The following TENM2 variants were observed in gnomAD, a reference collection of about 807,000 sequenced individuals.
TENM2 encodes teneurin transmembrane protein 2.
TENM2 carries 52 observed loss-of-function variants against 245.2 expected under a neutral mutation model. The ratio of observed to expected loss-of-function variants is 0.21; its 90% confidence interval spans 0.17 to 0.27. The LOEUF (loss-of-function observed/expected upper bound fraction) is 0.27, where lower values mean the gene tolerates loss of function less well. Ranked by LOEUF, TENM2 falls within the 10% of genes least tolerant of loss-of-function variation. The pLI, the probability that TENM2 is intolerant of heterozygous loss-of-function variation, is 1.00. For missense variants in TENM2, 3,046 were observed against 3,666.8 expected, an observed-to-expected ratio of 0.83 and a Z score of 4.37; for synonymous variants, 1,363 against 1,438.9, an observed-to-expected ratio of 0.95 and a Z score of 1.19.
chr5:168,227,876 C>A lies in TENM2; in HGVS notation c.5285-19C>A. 1.3e-6 allele frequency: 2 copies of A among 1,519,790 alleles called. No individual in the cohort carries two copies. Among genetic ancestry groups the A allele is most frequent in the Non-Finnish European group, 1.8e-6 (2 of 1,105,820 alleles). 94.1% of individuals were successfully genotyped at this position (1,519,790 alleles called of 1,614,324 possible). A position where few individuals can be genotyped will look rare whatever the true frequency, so the allele number is the denominator to read the frequency against. On this transcript the variant is annotated intron_variant, in intron 24 of 28. Coordinates refer to ENST00000518659, the Ensembl canonical transcript of TENM2. The stretch of plus-strand genomic sequence containing the variant: ...GATAATTTATTTCCCTATCCCCACC[C>A]CCACTTACATTTTTCCAGATCAAGT...
At chr5:167,164,154 G>T in the TENM2 span, among the ~76,000 whole-genome samples, 3 of 152,144 alleles carry the variant, frequency 2.0e-5, no homozygotes, top group Admixed American at 2.0e-4. Context: ...CAATGAGACA[G>T]AGCAGGAACA....
intron 2 of TENM2, among the ~76,000 whole-genome samples, chr5:167,659,646 C>T (rs1002086619): frequency 7.2e-5 from 11 of 152,172 alleles, no homozygotes; most frequent in African/African-American, 2.7e-4. Context: ...TCCACAGCAT[C>T]GTCCTTTGAT....
chr5:168,219,543 C>G (rs538582578), intron 23 of TENM2, among the ~76,000 whole-genome samples: 3 of 152,082 alleles, frequency 2.0e-5, no homozygotes, highest in Non-Finnish European at 4.4e-5. Context: ...ATAGTCCTGA[C>G]GCTTGTTTTG....
chr5:168,015,947 T>C (rs1288409282), intron 5 of TENM2, among the ~76,000 whole-genome samples: 1 of 152,210 alleles, frequency 6.6e-6, no homozygotes, highest in African/African-American at 2.4e-5. Context: ...TTTCAGTAAC[T>C]TGCCCAAGGT....
At chr5:168,230,887 G>A (rs887477042) in intron 25 of TENM2, 12 of 152,278 alleles carry the variant, frequency 7.9e-5, no homozygotes, top group African/African-American at 2.7e-4. Context: ...ATACTTAACT[G>A]TATCTGCTGG....
In TENM2 at chr5:167,483,595, C is replaced by T. The variant is rs79999983; in HGVS notation, c.502+108122C>T. On this transcript the variant is annotated intron_variant, in intron 2 of 28. Coordinates refer to ENST00000518659, the Ensembl canonical transcript of TENM2. Reference sequence around the variant, plus strand: ...AAGAAAAGAAATGTTTAAACAAAGCCACTATTAGTTTTTAGTCAAATTCTG... The same window carrying T: ...AAGAAAAGAAATGTTTAAACAAAGCTACTATTAGTTTTTAGTCAAATTCTG... Among the ~76,000 whole-genome samples, 478 of 152,236 alleles carry T rather than the reference C, an allele frequency of 3.1e-3. 22 individuals are homozygous for T. In the South Asian group the frequency reaches 0.081, roughly 26 times the overall value.
At chr5:167,615,748 G>GA (rs952518458) in intron 2 of TENM2, among the ~76,000 whole-genome samples, 10 of 151,380 alleles carry the variant, frequency 6.6e-5, no homozygotes, top group African/African-American at 2.4e-4. Flanking sequence ...CATCACTTAA[G>GA]AAAAAAAAGA....
rs1778972147 is a variant in TENM2, at chr5:167,939,187, T to C, written c.713-13401T>C. Among the ~76,000 whole-genome samples, 4 of 152,092 alleles carry C rather than the reference T, an allele frequency of 2.6e-5. No homozygotes were observed. In the South Asian group the frequency reaches 8.3e-4, roughly 32 times the overall value. On this transcript the variant is annotated intron_variant, in intron 3 of 28. Transcript: ENST00000518659. ...GAGGACCAGTTTCACGGAAGACAAA[T>C]TTTCTACGGAAGAGGGGGATGGTTT...
At chr5:168,076,724 A>C (rs1463737257) in intron 7 of TENM2, among the ~76,000 whole-genome samples, 2 of 152,214 alleles carry the variant, frequency 1.3e-5, no homozygotes, top group African/African-American at 4.8e-5. Flanking sequence ...TTGCCCTTGC[A>C]ACATAACAAG....
At chr5:167,146,715 G>A in the TENM2 span, among the ~76,000 whole-genome samples, 43 of 152,198 alleles carry the variant, frequency 2.8e-4, no homozygotes, top group African/African-American at 9.2e-4. Context: ...TTTATTCTCC[G>A]ATATTCTTCA....
At chr5:167,233,031 A>G in the TENM2 span, among the ~76,000 whole-genome samples, 2 of 152,188 alleles carry the variant, frequency 1.3e-5, no homozygotes, top group Non-Finnish European at 2.9e-5. Context: ...ACATGTACAT[A>G]AAAAAGATAA....
chr5:167,236,536 C>T, the TENM2 span, among the ~76,000 whole-genome samples: 1 of 152,174 alleles, frequency 6.6e-6, no homozygotes, highest in African/African-American at 2.4e-5. Flanking sequence ...CTGGGTCCTA[C>T]TTTTTCTGTT....
chr5:167,716,046 A>G (rs1027851831), intron 2 of TENM2, among the ~76,000 whole-genome samples: 3 of 152,208 alleles, frequency 2.0e-5, no homozygotes, highest in African/African-American at 7.2e-5. Context: ...CAGCCATTGC[A>G]CAGACCCACA....
chr5:168,122,726 A>T (rs1407622644), intron 10 of TENM2, among the ~76,000 whole-genome samples: 3 of 151,982 alleles, frequency 2.0e-5, no homozygotes, highest in African/African-American at 7.2e-5. Context: ...TTTTTTTTTA[A>T]TCACTGTTTT....
the TENM2 span, among the ~76,000 whole-genome samples, chr5:166,981,936 G>C: frequency 6.6e-6 from 1 of 152,112 alleles, no homozygotes; most frequent in Non-Finnish European, 1.5e-5. Flanking sequence ...ATCGTTTGGT[G>C]TGGTATTGTG....
At chr5:167,048,630 A>G in the TENM2 span, among the ~76,000 whole-genome samples, 2 of 152,218 alleles carry the variant, frequency 1.3e-5, no homozygotes, top group Admixed American at 6.5e-5. Context: ...TTCTGATTTC[A>G]TTAAATCAGG....
chr5:167,031,264 G>T, the TENM2 span, among the ~76,000 whole-genome samples: 1 of 152,186 alleles, frequency 6.6e-6, no homozygotes, highest in Non-Finnish European at 1.5e-5. Context: ...TTGTTTTTCA[G>T]TGCAATATCC....
intron 2 of TENM2, among the ~76,000 whole-genome samples, chr5:167,514,879 C>T (rs192779865): frequency 6.6e-5 from 10 of 152,144 alleles, no homozygotes; most frequent in African/African-American, 1.7e-4. Context: ...GGCATGGTGG[C>T]GGGTGCCTGT....
chr5:168,115,434 A>G (rs1795010428), intron 9 of TENM2, among the ~76,000 whole-genome samples: 2 of 143,754 alleles, frequency 1.4e-5, no homozygotes, highest in African/African-American at 5.8e-5. Context: ...GAAAGAAAAA[A>G]AAAGAAAAAA....
Sources: gnomAD v4.1 joint callset for allele counts (sites outside exome capture counted in the v4.1 genomes callset) on GRCh38, gnomAD v4.1.1 for gene constraint, MANE v1.5 for transcripts, NCBI Gene and HGNC (gene_info 2026-07-23, HGNC 2026-07-21) for gene names.